The following CFAP44 variants were observed in gnomAD, a reference collection of about 807,000 sequenced individuals.
The protein encoded by CFAP44 is cilia- and flagella-associated protein 44.
A neutral mutation model predicts 216.2 loss-of-function variants in CFAP44; 134 were observed. The observed-to-expected ratio is 0.62, with a 90% CI of 0.54 to 0.72. CFAP44 has a LOEUF of 0.72. CFAP44 is among the 30% of genes least tolerant of loss of function. CFAP44 has a pLI of 0.00. For missense variants in CFAP44, 2,035 were observed against 2,182.1 expected, an observed-to-expected ratio of 0.93 and a Z score of 1.34; for synonymous variants, 700 against 727.6, an observed-to-expected ratio of 0.96 and a Z score of 0.61.
At chr3:113,296,269 C>CAT (rs1212770382) in intron 33 of CFAP44, among the ~76,000 whole-genome samples, 1 of 152,130 alleles carries the variant, frequency 6.6e-6, no homozygotes, top group Non-Finnish European at 1.5e-5. Flanking sequence ...ATTCTATATA[C>CAT]ATATATATAC....
chr3:113,390,114 T>C (rs1030412303), intron 15 of CFAP44, among the ~76,000 whole-genome samples: 2 of 152,050 alleles, frequency 1.3e-5, no homozygotes, highest in Admixed American at 6.5e-5. Context: ...ACTAGCAAAC[T>C]GAATTCAACA....
rs1934994357 is a variant in CFAP44 at position 113,427,493 on chromosome 3, T to C, written c.101-154A>G. The C allele has an allele frequency of 7.1e-6, 4 of 564,348 alleles. No homozygotes were observed. The South Asian group carries it at 8.2e-5, about 12-fold the overall frequency. 35.0% of individuals were successfully genotyped at this position (564,348 alleles called of 1,614,324 possible). ...AAGAATCATTTTATTTGGTCAGTCT[T>C]GTAACTTTACAAAATAAGAAAGCCT... On this transcript the variant is annotated intron_variant, in intron 2 of 34. Coordinates refer to ENST00000393845, the MANE Select transcript of CFAP44 (RefSeq NM_001164496.2).
At chr3:113,377,969 A>T (rs1351669555) in intron 17 of CFAP44, among the ~76,000 whole-genome samples, 1 of 152,114 alleles carries the variant, frequency 6.6e-6, no homozygotes, top group Admixed American at 6.6e-5. Context: ...TTTTTAGTGT[A>T]AGTATGTACT....
At chr3:113,410,217 G>A (rs1934419241) in intron 6 of CFAP44, among the ~76,000 whole-genome samples, 1 of 151,892 alleles carries the variant, frequency 6.6e-6, no homozygotes, top group African/African-American at 2.4e-5. Flanking sequence ...TGTTACATAT[G>A]TATACATGTG....
At position 113,327,727 on chromosome 3, in the gene CFAP44, C is replaced by A. The variant is rs1351896191; in HGVS notation, c.4209G>T (p.Leu1403=). 1 of 1,536,902 alleles carries A rather than the reference C, an allele frequency of 6.5e-7. No individual in the cohort carries two copies. The highest frequency in any genetic ancestry group is 8.7e-7 in the Non-Finnish European group (1 of 1,146,710). The part of the protein sequence containing the change: ...KLDTQMKLSD[L]HHVTLFQEIL... ...TTTCTTGAAATAAGGTGACATGGTG[C>A]AGGTCAGATAATTTCATCTGAGTAT... Residue 1403 remains leucine, a synonymous_variant, in exon 27 of 35, where the codon CTG becomes CTT. Transcript: ENST00000393845.
rs1935164814 is a variant in CFAP44, at chr3:113,433,642, T to C, written c.23A>G (p.Asp8Gly). 1 of 1,613,122 alleles carries C rather than the reference T, an allele frequency of 6.2e-7. No individual in the cohort carries two copies. Among genetic ancestry groups the C allele is most frequent in the Admixed American group, 1.7e-5 (1 of 59,970 alleles). Residue 8 changes from aspartate (D) to glycine (G), a missense_variant, in exon 2 of 35, where the codon GAT becomes GGT. By Grantham distance (94) the Asp-to-Gly change is moderately conservative. Transcript: ENST00000393845. MKEPDDQ[D>G]TDGEKSVTSK... ...TGTAACTGATTTCTCCCCATCAGTA[T>C]CCTGATCATCTGGTTCCTTCATTTC...
intron 26 of CFAP44, among the ~76,000 whole-genome samples, chr3:113,328,080 T>C (rs1950203344): frequency 2.6e-5 from 4 of 152,032 alleles, no homozygotes; most frequent in African/African-American, 9.7e-5. Context: ...CAATCAAGAA[T>C]GCCCTTCTTG....
At chr3:113,361,968 C>T (rs1280409098) in intron 21 of CFAP44, among the ~76,000 whole-genome samples, 1 of 151,638 alleles carries the variant, frequency 6.6e-6, no homozygotes, top group African/African-American at 2.4e-5. Context: ...GATTAAATGC[C>T]TACATTTCTT....
At chr3:113,295,817 T>C (rs1949874080) in intron 33 of CFAP44, among the ~76,000 whole-genome samples, 2 of 152,194 alleles carry the variant, frequency 1.3e-5, no homozygotes, top group Non-Finnish European at 2.9e-5. Flanking sequence ...AATTTCCAAA[T>C]TGGCACAGCA....
intron 6 of CFAP44, among the ~76,000 whole-genome samples, chr3:113,412,871 T>C (rs1420065493): frequency 6.6e-6 from 1 of 152,232 alleles, no homozygotes; most frequent in East Asian, 1.9e-4. Flanking sequence ...TGATTTATAT[T>C]CCTTTGGGTA....
At chr3:113,414,735 T>G (rs1354155107) in intron 6 of CFAP44, among the ~76,000 whole-genome samples, 1 of 152,238 alleles carries the variant, frequency 6.6e-6, no homozygotes, top group Non-Finnish European at 1.5e-5. Context: ...GGATACGTTT[T>G]TCGATGTGCT....
At position 113,403,922 on chromosome 3, in the gene CFAP44, T is replaced by C. The variant is rs760723523; in HGVS notation, c.1100A>G (p.Asn367Ser). The change falls in exon 9 of 35, where the codon AAT becomes AGT. Residue 367 changes from asparagine to serine, a missense_variant. By Grantham distance (46) the Asn-to-Ser change is conservative. Around this residue, in one of 3 missense-constraint regions of CFAP44, gnomAD observed 1,883 missense variants for 2,023.7 expected, o/e 0.93. Coordinates refer to ENST00000393845, the MANE Select transcript of CFAP44 (RefSeq NM_001164496.2). ...CAGCATTATCTGGTTAATGGGACCA[T>C]TGTGACATGACTTGCTTGTCCCTCG... ...LCRGTSKSCH[N>S]GPINQIMLYE... 5.0e-6 allele frequency: 8 copies of C among 1,614,042 alleles called. No homozygotes were observed. In the African/African-American group the frequency reaches 5.3e-5, roughly 11 times the overall value.
chr3:113,382,022 G>A (rs1933527144), intron 15 of CFAP44, among the ~76,000 whole-genome samples: 1 of 152,166 alleles, frequency 6.6e-6, no homozygotes, highest in African/African-American at 2.4e-5. Flanking sequence ...AATGAGTTAA[G>A]GGAGGGTTTG....
intron 26 of CFAP44, 150 bp downstream of exon 26, chr3:113,330,018 G>A: frequency 1.1e-6 from 1 of 896,376 alleles, no homozygotes; most frequent in South Asian, 2.6e-5. Context: ...GGATGGGGAG[G>A]AAGCCAAGCC....
chr3:113,430,899 C>A (rs1404723295), intron 2 of CFAP44, among the ~76,000 whole-genome samples: 3 of 152,050 alleles, frequency 2.0e-5, no homozygotes, highest in African/African-American at 7.2e-5. Flanking sequence ...GAAATCAATG[C>A]CTTAGTAACT....
chr3:113,416,666 G>T (rs79830512), intron 5 of CFAP44, 39 bp from the exon 6 acceptor site: 32,375 of 1,413,192 alleles, frequency 0.023, 478 homozygotes, highest in East Asian at 0.064. Context: ...TTAAAAGAAA[G>T]ATTTTTGTAT....
chr3:113,340,067 C>T (rs1400575035), intron 24 of CFAP44, among the ~76,000 whole-genome samples: 1 of 152,168 alleles, frequency 6.6e-6, no homozygotes, highest in Non-Finnish European at 1.5e-5. Context: ...ACCATCATGG[C>T]TTTCTCCCGC....
At chr3:113,357,971 G>A (rs924073540) in intron 22 of CFAP44, among the ~76,000 whole-genome samples, 5 of 151,838 alleles carry the variant, frequency 3.3e-5, no homozygotes, top group African/African-American at 1.2e-4. Context: ...GATAAACTGT[G>A]GTATAATCAT....
rs1933440564 is a variant in CFAP44 at position 113,379,319 on chromosome 3, A to C, written c.2285T>G (p.Phe762Cys). The C allele has an allele frequency of 3.2e-6, 5 of 1,571,138 alleles. No homozygotes were observed. The South Asian group carries it at 6.0e-5, about 19-fold the overall frequency. The change falls in exon 17 of 35, where the codon TTC (phenylalanine) becomes TGC (cysteine). Residue 762 changes from phenylalanine to cysteine, a missense_variant. Physicochemically the swap from Phe to Cys is radical, Grantham distance 205 (BLOSUM62 -2). Coordinates refer to ENST00000393845, the MANE Select transcript of CFAP44 (RefSeq NM_001164496.2). ...LCGFYSEPGK[F>C]WVSLGGYDSG... is the part of the protein sequence containing the mutation. The stretch of plus-strand genomic sequence containing the variant: ...ATTGTTACTTACCAAAGAAACCCAG[A>C]ACTTCCCTGGCTCTGAGTAAAATCC...
Sources: gnomAD v4.1 joint callset for allele counts (sites outside exome capture counted in the v4.1 genomes callset) on GRCh38, gnomAD v4.1.1 for gene constraint, gnomAD v4.1.1 regional missense constraint, MANE v1.5 for transcripts, NCBI Gene and HGNC (gene_info 2026-07-23, HGNC 2026-07-21) for gene names.